EML4: variants seen among roughly 807,000 people sequenced by gnomAD.
EML4 encodes echinoderm microtubule-associated protein-like 4.
EML4 carries 72 observed loss-of-function variants against 129.0 expected under a neutral mutation model. The observed-to-expected ratio is 0.56, with a 90% CI of 0.46 to 0.68. The LOEUF (loss-of-function observed/expected upper bound fraction) is 0.68, where lower values mean the gene tolerates loss of function less well. EML4 is among the 30% of genes least tolerant of loss of function. EML4 has a pLI of 0.00. For missense variants in EML4, 1,363 were observed against 1,190.6 expected, an observed-to-expected ratio of 1.14 and a Z score of -2.13; for synonymous variants, 532 against 405.0, an observed-to-expected ratio of 1.31 and a Z score of -3.77.
intron 1 of EML4, chr2:42,169,934 A>C (rs1572815804): frequency 2.9e-6 from 1 of 345,920 alleles, no homozygotes; most frequent in South Asian, 7.2e-5. Context: ...TAGCTGGCAC[A>C]CCCCTCCCCG....
chr2:42,319,324 A>G (rs1443566728), intron 19 of EML4, among the ~76,000 whole-genome samples: 3 of 152,208 alleles, frequency 2.0e-5, no homozygotes, highest in African/African-American at 4.8e-5. Flanking sequence ...AATAATCAGA[A>G]TGACTTGGAA....
chr2:42,184,902 C>T (rs1489554953), intron 1 of EML4, among the ~76,000 whole-genome samples: 1 of 152,162 alleles, frequency 6.6e-6, no homozygotes, highest in Non-Finnish European at 1.5e-5. Flanking sequence ...GAATGTATTG[C>T]CTTTTGAGTG....
intron 6 of EML4, among the ~76,000 whole-genome samples, chr2:42,273,527 A>G (rs1271262012): frequency 1.3e-5 from 2 of 152,206 alleles, no homozygotes; most frequent in Non-Finnish European, 2.9e-5. Flanking sequence ...CAGGTGCACA[A>G]GACATGGTTA....
At chr2:42,314,816 T>G (rs1224924024) in intron 17 of EML4, among the ~76,000 whole-genome samples, 3 of 152,238 alleles carry the variant, frequency 2.0e-5, no homozygotes, top group Non-Finnish European at 4.4e-5. Context: ...TTTATATCCC[T>G]GGTCTTACCA....
Position 42,252,413 on chromosome 2 carries a change from C to G in EML4, c.209-4088C>G, listed in dbSNP as rs536214160. 4.6e-5 allele frequency among the ~76,000 whole-genome samples: 7 copies of G among 152,278 alleles called. No individual in the cohort carries two copies. In the East Asian group the frequency reaches 1.3e-3, roughly 29 times the overall value. On this transcript the variant is annotated intron_variant, in intron 2 of 22. Coordinates refer to ENST00000318522, the MANE Select transcript of EML4 (RefSeq NM_019063.5). ...TCATTCACGCTACATAGCTCTTGGT[C>G]CCCACCATCTTATTCTCAGACCACT...
intron 6 of EML4, 163 bp downstream of exon 6, chr2:42,264,894 G>C (rs1665965828): frequency 6.5e-7 from 1 of 1,549,656 alleles, no homozygotes; most frequent in African/African-American, 1.4e-5. Flanking sequence ...TTATTGTAAG[G>C]TAATGTCATT....
chr2:42,223,852 CTT>C (rs1000907449), intron 1 of EML4, among the ~76,000 whole-genome samples: 5 of 152,120 alleles, frequency 3.3e-5, no homozygotes, highest in African/African-American at 4.8e-5. Flanking sequence ...ACTCCAGACT[CTT>C]TTTACCCCTT....
chr2:42,321,647 T>A (rs965241126), intron 19 of EML4, among the ~76,000 whole-genome samples: 1 of 152,058 alleles, frequency 6.6e-6, no homozygotes, highest in Non-Finnish European at 1.5e-5. Flanking sequence ...CACAATGACT[T>A]CTGCCACCCC....
In EML4 at chr2:42,303,303, T is replaced by C. The variant is rs1483158630; in HGVS notation, c.1768-12T>C. 6.2e-7 allele frequency: 1 copy of C among 1,614,134 alleles called. No individual in the cohort carries two copies. The highest frequency in any genetic ancestry group is 1.7e-5 in the Admixed American group (1 of 60,018). Reference sequence around the variant, plus strand: ...TTTGGTTCTTATAACAATGAGTGTCTTTCATTTTCAGGGTCATACAGATGA... The same window carrying C: ...TTTGGTTCTTATAACAATGAGTGTCCTTCATTTTCAGGGTCATACAGATGA... On this transcript the variant is annotated splice_polypyrimidine_tract_variant and intron_variant, in intron 15 of 22. Transcript: ENST00000318522.
At chr2:42,186,116 G>C (rs561689349) in intron 1 of EML4, among the ~76,000 whole-genome samples, 34 of 152,268 alleles carry the variant, frequency 2.2e-4, no homozygotes, top group African/African-American at 8.2e-4. Flanking sequence ...GAACTTTGCT[G>C]TGTCTGTTTT....
At chr2:42,211,982 C>A (rs1028661574) in intron 1 of EML4, among the ~76,000 whole-genome samples, 6 of 152,028 alleles carry the variant, frequency 3.9e-5, no homozygotes, top group Admixed American at 3.3e-4. Context: ...GTAGCTAGGA[C>A]TACAGGTTCA....
In EML4 at chr2:42,316,880, C is replaced by T. The variant is rs138910956; in HGVS notation, c.2057-547C>T. Among the ~76,000 whole-genome samples, 732 of 152,238 alleles carry T rather than the reference C, an allele frequency of 4.8e-3. 2 individuals are homozygous for T. The highest frequency in any genetic ancestry group is 7.1e-3 in the Admixed American group (108 of 15,294). ...TCCTCATGAAGCACAAAAATTTTAA[C>T]ATTTTTCTGGGGTTTGTTTTGTTTT... On this transcript the variant is annotated intron_variant, in intron 18 of 22. Transcript: ENST00000318522.
In EML4 at chr2:42,282,908, G is replaced by C. The variant is rs1412197409; in HGVS notation, c.877G>C (p.Val293Leu). 7 of 1,612,128 alleles carry C rather than the reference G, an allele frequency of 4.3e-6. No individual in the cohort carries two copies. Among genetic ancestry groups the C allele is most frequent in the Non-Finnish European group, 5.9e-6 (7 of 1,178,182 alleles). Residue 293 changes from valine (V) to leucine (L), a missense_variant, in exon 8 of 23, where the codon GTA becomes CTA. Coordinates refer to ENST00000318522, the MANE Select transcript of EML4 (RefSeq NM_019063.5). Reference protein sequence around the residue: ...KIVYFIASVVVLFNYEERTQR... With the variant: ...KIVYFIASVVLLFNYEERTQR... ...AGTTTATTTCATTGCATCAGTAGTA[G>C]TACTATTTAATTATGAGGAGAGAAC...
At chr2:42,328,414 A>C (rs988463521) in intron 21 of EML4, among the ~76,000 whole-genome samples, 1 of 152,234 alleles carries the variant, frequency 6.6e-6, no homozygotes, top group Non-Finnish European at 1.5e-5. Context: ...TATGCTTTCT[A>C]AAAGAAATAA....
At chr2:42,292,053 A>G (rs930102900) in intron 11 of EML4, among the ~76,000 whole-genome samples, 7 of 152,228 alleles carry the variant, frequency 4.6e-5, no homozygotes, top group Non-Finnish European at 8.8e-5. Flanking sequence ...GTAAGTTGAT[A>G]ATAGCCATAT....
intron 3 of EML4, among the ~76,000 whole-genome samples, chr2:42,258,267 A>G (rs1266910045): frequency 6.6e-6 from 1 of 152,194 alleles, no homozygotes; most frequent in East Asian, 1.9e-4. Flanking sequence ...ATCGCAAGGA[A>G]GAAGTAACTT....
intron 1 of EML4, among the ~76,000 whole-genome samples, chr2:42,194,471 T>A: frequency 6.6e-6 from 1 of 151,876 alleles, no homozygotes; most frequent in Non-Finnish European, 1.5e-5. Context: ...GGTTACTTTT[T>A]TAGTGATATC....
At chr2:42,187,013 G>A (rs913175366) in intron 1 of EML4, among the ~76,000 whole-genome samples, 2 of 116,108 alleles carry the variant, frequency 1.7e-5, no homozygotes, top group Non-Finnish European at 3.4e-5. Flanking sequence ...TTTTTCCATT[G>A]TATTTTGTCT....
At chr2:42,281,868 T>A (rs563834153) in intron 7 of EML4, among the ~76,000 whole-genome samples, 1 of 152,282 alleles carries the variant, frequency 6.6e-6, no homozygotes, top group South Asian at 2.1e-4. Flanking sequence ...GTTGTCTGCC[T>A]CCATTCTCCT....
Sources: allele counts gnomAD v4.1 joint callset (sites outside exome capture counted in the v4.1 genomes callset), GRCh38; gene constraint gnomAD v4.1.1; transcripts MANE v1.5; gene names NCBI Gene and HGNC (gene_info 2026-07-23, HGNC 2026-07-21).